The following COBL variants were observed in gnomAD, a reference collection of about 807,000 sequenced individuals.
COBL encodes the protein protein cordon-bleu.
COBL carries 51 observed loss-of-function variants against 98.8 expected under a neutral mutation model. The ratio of observed to expected loss-of-function variants is 0.52; its 90% CI spans 0.41 to 0.65. The LOEUF (loss-of-function observed/expected upper bound fraction) is 0.65. Ranked by LOEUF, COBL falls within the 30% of genes least tolerant of loss-of-function variation. The pLI, the probability that COBL is intolerant of heterozygous loss-of-function variation, is 0.00. For synonymous variants in COBL, 634 were observed against 651.7 expected (o/e 0.97, Z 0.41); for missense variants, 1,617 against 1,617.5 (o/e 1.00, Z 0.01).
chr7:51,083,063 G>A, intron 7 of COBL: 1 of 1,536,258 alleles, frequency 6.5e-7, no homozygotes, highest in Non-Finnish European at 8.7e-7. Context: ...CATACGTTTG[G>A]GTATCGGGTC....
chr7:51,022,321 C>G (rs1329534570), intron 12 of COBL, among the ~76,000 whole-genome samples: 2 of 152,336 alleles, frequency 1.3e-5, no homozygotes, highest in South Asian at 4.1e-4. Flanking sequence ...CAATCAAAAC[C>G]TGGACTTTTG....
At chr7:51,185,667 G>C (rs1487040608) in intron 4 of COBL, among the ~76,000 whole-genome samples, 1 of 152,214 alleles carries the variant, frequency 6.6e-6, no homozygotes, top group Non-Finnish European at 1.5e-5. Context: ...CCAACTGATA[G>C]CAAGAGCTCT....
In COBL at chr7:51,186,623, T is replaced by C. The variant is rs188549276; in HGVS notation, c.686-2424A>G. Among the ~76,000 whole-genome samples the C allele has an allele frequency of 1.4e-3, 217 of 152,278 alleles. 2 individuals are homozygous for C. Among genetic ancestry groups the C allele is most frequent in the African/African-American group, 5.0e-3 (209 of 41,558 alleles). On this transcript the variant is annotated intron_variant, in intron 4 of 12. Transcript: ENST00000265136. Reference sequence around the variant, plus strand: ...GCCCCGGCACCAGAATGCCCCTCAATAGTGGGAGAGACACTTTCTCATGCA... The same window carrying C: ...GCCCCGGCACCAGAATGCCCCTCAACAGTGGGAGAGACACTTTCTCATGCA...
intron 1 of COBL, among the ~76,000 whole-genome samples, chr7:51,221,171 C>A (rs774530770): frequency 2.6e-5 from 4 of 152,116 alleles, no homozygotes; most frequent in Non-Finnish European, 5.9e-5. Context: ...AGGGTTTGCT[C>A]CCGCTGCCTC....
chr7:51,046,700 G>C (rs551001259), intron 7 of COBL, among the ~76,000 whole-genome samples: 3 of 152,080 alleles, frequency 2.0e-5, no homozygotes, highest in Admixed American at 2.0e-4. Flanking sequence ...GGGCTGCATC[G>C]AGGTTGGGGG....
At chr7:51,154,854 C>T (rs1175822374) in intron 5 of COBL, among the ~76,000 whole-genome samples, 4 of 152,230 alleles carry the variant, frequency 2.6e-5, no homozygotes, top group South Asian at 2.1e-4. Flanking sequence ...GCTTACACTA[C>T]TGGAGACTGT....
chr7:51,203,639 TG>T (rs1791381643), intron 2 of COBL, among the ~76,000 whole-genome samples: 1 of 147,294 alleles, frequency 6.8e-6, no homozygotes, highest in African/African-American at 2.5e-5. Context: ...AAGAAAAAAA[TG>T]GATAAATTCC....
At chr7:51,285,408 A>C (rs180705543) in intron 1 of COBL, among the ~76,000 whole-genome samples, 1 of 151,966 alleles carries the variant, frequency 6.6e-6, no homozygotes, top group Non-Finnish European at 1.5e-5. Context: ...AAATCCTCAC[A>C]GAATTGATAG....
chr7:51,273,530 T>C lies in COBL; in HGVS notation c.41+43063A>G, dbSNP rs116988964. 4.3e-4 allele frequency among the ~76,000 whole-genome samples: 65 copies of C among 152,272 alleles called. No homozygotes were observed. In the East Asian group the frequency reaches 0.012, roughly 28 times the overall value. On this transcript the variant is annotated intron_variant, in intron 1 of 12. Transcript: ENST00000265136. ...AGTGACATTCCTAAGGAAGTCATCATTGACATCAGGGAATGAAGCCTTGAA... is the reference window on the plus strand; with the variant it reads ...AGTGACATTCCTAAGGAAGTCATCACTGACATCAGGGAATGAAGCCTTGAA...
chr7:51,082,604 T>C (rs962269144), intron 7 of COBL, among the ~76,000 whole-genome samples: 8 of 152,298 alleles, frequency 5.3e-5, no homozygotes, highest in Middle Eastern at 3.4e-3. Context: ...GTGCTCATGC[T>C]TGGCCGCTGG....
chr7:51,096,656 A>C (rs1269842271), intron 6 of COBL, among the ~76,000 whole-genome samples: 1 of 152,086 alleles, frequency 6.6e-6, no homozygotes, highest in African/African-American at 2.4e-5. Context: ...AAAATTAGAA[A>C]GAGACATTAC....
chr7:51,115,759 C>G (rs1007174970), intron 6 of COBL, among the ~76,000 whole-genome samples: 2 of 152,048 alleles, frequency 1.3e-5, no homozygotes, highest in Admixed American at 6.5e-5. Context: ...GTCAGATCCT[C>G]TATCTCTTCA....
intron 5 of COBL, among the ~76,000 whole-genome samples, chr7:51,145,607 G>A (rs916522354): frequency 1.3e-5 from 2 of 151,960 alleles, no homozygotes; most frequent in Non-Finnish European, 2.9e-5. Context: ...TCAAACTCCT[G>A]ACCTCAGGTG....
At chr7:51,211,992 G>C (rs1175845946) in intron 2 of COBL, among the ~76,000 whole-genome samples, 1 of 152,164 alleles carries the variant, frequency 6.6e-6, no homozygotes, top group African/African-American at 2.4e-5. Context: ...AATCAAGAGA[G>C]CAGGGGTGGA....
intron 6 of COBL, among the ~76,000 whole-genome samples, chr7:51,107,704 G>A (rs899285561): frequency 7.9e-5 from 12 of 152,160 alleles, no homozygotes; most frequent in African/African-American, 1.2e-4. Flanking sequence ...CTCCGTACCC[G>A]GGCTGCACTC....
chr7:51,121,586 C>A (rs1161164772), intron 6 of COBL, among the ~76,000 whole-genome samples: 2 of 152,130 alleles, frequency 1.3e-5, no homozygotes, highest in Non-Finnish European at 2.9e-5. Context: ...TAGTTAACCA[C>A]AATGAACCCA....
chr7:51,212,626 C>CA (rs1357349403), intron 2 of COBL, among the ~76,000 whole-genome samples: 1 of 152,228 alleles, frequency 6.6e-6, no homozygotes, highest in Non-Finnish European at 1.5e-5. Context: ...ATCATTCCTA[C>CA]AGTCCCCCTG....
At chr7:51,111,461 C>T (rs1796815053) in intron 6 of COBL, among the ~76,000 whole-genome samples, 1 of 152,176 alleles carries the variant, frequency 6.6e-6, no homozygotes, top group South Asian at 2.1e-4. Context: ...CTGTCACTAG[C>T]TGCATAATTG....
At chr7:51,186,130 A>G (rs1421120196) in intron 4 of COBL, among the ~76,000 whole-genome samples, 1 of 152,266 alleles carries the variant, frequency 6.6e-6, no homozygotes, top group Admixed American at 6.5e-5. Context: ...AGAGGAAAAC[A>G]GAGCACACAG....
Sources: allele counts gnomAD v4.1 joint callset (sites outside exome capture counted in the v4.1 genomes callset), GRCh38; gene constraint gnomAD v4.1.1; transcripts MANE v1.5; gene names NCBI Gene and HGNC (gene_info 2026-07-23, HGNC 2026-07-21).